LRMDA: variants seen among roughly 807,000 people sequenced by gnomAD.
LRMDA encodes the protein leucine rich melanocyte differentiation associated.
A neutral mutation model predicts 29.8 loss-of-function variants in LRMDA; 18 were observed. That is an observed-to-expected ratio of 0.60 (90% CI 0.42 to 0.90). The LOEUF (loss-of-function observed/expected upper bound fraction) is 0.90, where lower values mean the gene tolerates loss of function less well. Among genes scored for constraint, LRMDA ranks in the 40% least tolerant of loss-of-function variants. LRMDA has a pLI of 0.00. For synonymous variants in LRMDA, 125 were observed against 109.4 expected, an observed-to-expected ratio of 1.14 and a Z score of -0.89; for missense variants, 273 against 273.9, an observed-to-expected ratio of 1.00 and a Z score of 0.02.
At chr10:75,502,426 AT>A (rs5786178) in intron 2 of LRMDA, among the ~76,000 whole-genome samples, 5,461 of 148,474 alleles carry the variant, frequency 0.037, 116 homozygotes, top group Middle Eastern at 0.072. Flanking sequence ...TGCCTTTTAG[AT>A]TTTTTTTTTT....
chr10:76,277,187 A>T (rs1319442100), intron 5 of LRMDA, among the ~76,000 whole-genome samples: 4 of 152,076 alleles, frequency 2.6e-5, no homozygotes, highest in Non-Finnish European at 5.9e-5. Context: ...GGAGTTTGAG[A>T]TTTCCATGGT....
chr10:75,621,911 GA>G lies in LRMDA; in HGVS notation c.131+183418del, dbSNP rs1398764003. Among the ~76,000 whole-genome samples the G allele has an allele frequency of 1.6e-4, 24 of 152,314 alleles. No homozygotes were observed. The East Asian group carries it at 4.2e-3, about 27-fold the overall frequency. ...GTGTGGGCTATTATTCTTCTGAGCA[GA>G]TTGAGTGTTACTTGCTGATTTTCGA... On this transcript the variant is annotated intron_variant, in intron 2 of 6. Transcript: ENST00000611255.
chr10:76,447,780 A>C (rs2132297105), intron 6 of LRMDA, among the ~76,000 whole-genome samples: 1 of 152,216 alleles, frequency 6.6e-6, no homozygotes, highest in South Asian at 2.1e-4. Flanking sequence ...TGTGTCCCTA[A>C]ATCAGTGTTC....
chr10:76,507,231 C>T (rs2637244), intron 6 of LRMDA, among the ~76,000 whole-genome samples: 53,958 of 149,864 alleles, frequency 0.36, 10,872 homozygotes, highest in Middle Eastern at 0.53. Flanking sequence ...ACCTATTGGC[C>T]ATTTGTATGT....
chr10:76,220,786 C>T (rs1031325686), intron 5 of LRMDA, among the ~76,000 whole-genome samples: 6 of 152,280 alleles, frequency 3.9e-5, no homozygotes, highest in Admixed American at 2.6e-4. Context: ...CCAGCATCAT[C>T]CTGATACCAA....
At chr10:76,506,058 G>T (rs1842956522) in intron 6 of LRMDA, among the ~76,000 whole-genome samples, 1 of 152,138 alleles carries the variant, frequency 6.6e-6, no homozygotes. Context: ...ACAAATCTAT[G>T]CAGGGTTCCC....
At chr10:75,841,265 T>G (rs1844536382) in intron 2 of LRMDA, among the ~76,000 whole-genome samples, 1 of 152,246 alleles carries the variant, frequency 6.6e-6, no homozygotes, top group Non-Finnish European at 1.5e-5. Context: ...CACTCTCAAG[T>G]GCAGCACATG....
chr10:75,617,551 A>G (rs1841119925), intron 2 of LRMDA, among the ~76,000 whole-genome samples: 1 of 152,178 alleles, frequency 6.6e-6, no homozygotes, highest in Non-Finnish European at 1.5e-5. Flanking sequence ...CCCACCGACT[A>G]GTAGAACCAA....
intron 2 of LRMDA, among the ~76,000 whole-genome samples, chr10:75,472,884 G>A (rs1407200114): frequency 6.6e-6 from 1 of 152,198 alleles, no homozygotes; most frequent in Non-Finnish European, 1.5e-5. Flanking sequence ...GAAGCAGGAG[G>A]GTGGGCGTGG....
chr10:75,966,117 A>G (rs1846854928), intron 2 of LRMDA, among the ~76,000 whole-genome samples: 1 of 152,202 alleles, frequency 6.6e-6, no homozygotes, highest in African/African-American at 2.4e-5. Context: ...CCTATCATCC[A>G]CTAAAGTAGC....
At chr10:75,504,661 A>G (rs1272699891) in intron 2 of LRMDA, among the ~76,000 whole-genome samples, 1 of 152,128 alleles carries the variant, frequency 6.6e-6, no homozygotes, top group Admixed American at 6.5e-5. Context: ...GAGGGGAGGA[A>G]AAAGCATTCT....
At chr10:75,714,564 T>C (rs1242673247) in intron 2 of LRMDA, among the ~76,000 whole-genome samples, 1 of 152,244 alleles carries the variant, frequency 6.6e-6, no homozygotes, top group Non-Finnish European at 1.5e-5. Context: ...CACATAGATT[T>C]CTGGTTCTTT....
chr10:75,932,644 A>G (rs80161744), intron 2 of LRMDA, among the ~76,000 whole-genome samples: 4 of 152,112 alleles, frequency 2.6e-5, no homozygotes, highest in African/African-American at 9.7e-5. Flanking sequence ...AGAAAAAAAA[A>G]CCAATGAAAA....
chr10:76,503,520 G>A (rs981407833), intron 6 of LRMDA, among the ~76,000 whole-genome samples: 19 of 150,366 alleles, frequency 1.3e-4, no homozygotes, highest in South Asian at 1.0e-3. Context: ...TTATTGTTCC[G>A]TTCAGGTTTT....
chr10:76,274,497 T>C (rs1310878984), intron 5 of LRMDA, among the ~76,000 whole-genome samples: 2 of 152,122 alleles, frequency 1.3e-5, no homozygotes, highest in East Asian at 3.9e-4. Flanking sequence ...TATGCATCTG[T>C]GTGTGTGTCT....
chr10:75,624,416 A>G (rs995367483), intron 2 of LRMDA, among the ~76,000 whole-genome samples: 5 of 152,244 alleles, frequency 3.3e-5, no homozygotes, highest in Non-Finnish European at 5.9e-5. Flanking sequence ...ATGCTGTGAT[A>G]GAGAAAAAGA....
chr10:76,124,223 A>T (rs905975329), intron 5 of LRMDA, among the ~76,000 whole-genome samples: 2 of 152,104 alleles, frequency 1.3e-5, no homozygotes, highest in African/African-American at 4.8e-5. Flanking sequence ...GGGGGTTGGG[A>T]TTTTGCTTTC....
chr10:75,825,597 A>G (rs1844234805), intron 2 of LRMDA, among the ~76,000 whole-genome samples: 1 of 152,364 alleles, frequency 6.6e-6, no homozygotes, highest in Non-Finnish European at 1.5e-5. Context: ...CAAGGAATAA[A>G]AACATTTACA....
At chr10:76,014,404 T>C (rs182340572) in intron 2 of LRMDA, among the ~76,000 whole-genome samples, 14 of 152,060 alleles carry the variant, frequency 9.2e-5, no homozygotes, top group Admixed American at 9.2e-4. Context: ...TAATCTCACT[T>C]TCTGGTGTTT....
Sources: allele counts gnomAD v4.1 joint callset (sites outside exome capture counted in the v4.1 genomes callset), GRCh38; gene constraint gnomAD v4.1.1; transcripts MANE v1.5; gene names NCBI Gene and HGNC (gene_info 2026-07-23, HGNC 2026-07-21).